Variants in FBXW2 observed in about 807,000 individuals in gnomAD.
FBXW2 encodes the protein F-box/WD repeat-containing protein 2.
FBXW2 carries 12 observed loss-of-function variants against 46.0 expected under a neutral mutation model. That is an observed-to-expected ratio of 0.26 (90% CI 0.17 to 0.42). FBXW2 has a LOEUF of 0.42. Ranked by LOEUF, FBXW2 falls within the 10% of genes least tolerant of loss-of-function variation. The pLI, the probability that FBXW2 is intolerant of heterozygous loss-of-function variation, is 1.00. For missense variants in FBXW2, 360 were observed against 537.0 expected (o/e 0.67, Z 3.26); for synonymous variants, 203 against 209.6 (o/e 0.97, Z 0.27).
rs1444829746 is a variant in FBXW2, at chr9:120,761,582, C to A, written c.*2977G>T. 1 of 152,132 alleles carries A rather than the reference C, an allele frequency of 6.6e-6. No individual in the cohort carries two copies. Among genetic ancestry groups the A allele is most frequent in the African/African-American group, 2.4e-5 (1 of 41,434 alleles). 9.4% of individuals were successfully genotyped at this position (152,132 alleles called of 1,614,324 possible). A position where few individuals can be genotyped will look rare whatever the true frequency, so the allele number is the denominator to read the frequency against. ...TCATTCTGACTCCCCACTTTGCTTT[C>A]TTTTGCAAAAAGGATGAGCTAGTTT... On this transcript the variant is annotated 3_prime_UTR_variant, in exon 8 of 8. Coordinates refer to ENST00000608872, the MANE Select transcript of FBXW2 (RefSeq NM_012164.4).
intron 7 of FBXW2, among the ~76,000 whole-genome samples, chr9:120,769,752 T>C (rs979839205): frequency 6.6e-6 from 1 of 152,226 alleles, no homozygotes; most frequent in Non-Finnish European, 1.5e-5. Context: ...CAGCCATGCA[T>C]GAATGGACGA....
intron 4 of FBXW2, among the ~76,000 whole-genome samples, chr9:120,777,838 G>A (rs184206772): frequency 2.0e-5 from 3 of 151,564 alleles, no homozygotes; most frequent in East Asian, 1.9e-4. Context: ...TGTTTCTTTC[G>A]CCTTATCTCT....
At chr9:120,785,325 T>C (rs556874262) in intron 3 of FBXW2, among the ~76,000 whole-genome samples, 3 of 152,278 alleles carry the variant, frequency 2.0e-5, no homozygotes, top group African/African-American at 7.2e-5. Flanking sequence ...CATCTTAATC[T>C]TTTAAAATCA....
Position 120,764,425 on chromosome 9 carries a change from G to T in FBXW2, c.*134C>A. 9.7e-7 allele frequency: 1 copy of T among 1,034,470 alleles called. No homozygotes were observed. Among genetic ancestry groups the T allele is most frequent in the Non-Finnish European group, 1.4e-6 (1 of 705,326 alleles). The allele number at this position is 1,034,470 out of a possible 1,614,324, so 64.1% of individuals were successfully genotyped here. ...GAGCCCTGGCCCCTGGCAAAACATA[G>T]ATAAATGATTGTGCACTGCGTGATG... On this transcript the variant is annotated 3_prime_UTR_variant, in exon 8 of 8. Transcript: ENST00000608872.
intron 3 of FBXW2, among the ~76,000 whole-genome samples, chr9:120,785,156 G>A (rs1282435138): frequency 1.3e-5 from 2 of 151,644 alleles, no homozygotes; most frequent in Admixed American, 6.6e-5. Flanking sequence ...CCACAGGTGT[G>A]AGCCAGCACA....
chr9:120,771,797 G>A (rs1215687647), intron 6 of FBXW2, among the ~76,000 whole-genome samples: 1 of 152,110 alleles, frequency 6.6e-6, no homozygotes, highest in African/African-American at 2.4e-5. Flanking sequence ...GGTGGCTCGC[G>A]CCTGTAATCC....
intron 3 of FBXW2, among the ~76,000 whole-genome samples, chr9:120,787,230 T>A (rs1213610143): frequency 6.6e-6 from 1 of 152,222 alleles, no homozygotes; most frequent in Non-Finnish European, 1.5e-5. Context: ...GATTTCACCA[T>A]GTTGACCAGT....
rs1231758955 is a variant in FBXW2, at chr9:120,764,499, T to G, written c.*60A>C. 1 of 1,556,908 alleles carries G rather than the reference T, an allele frequency of 6.4e-7. No homozygotes were observed. Among genetic ancestry groups the G allele is most frequent in the Admixed American group, 1.8e-5 (1 of 56,494 alleles). On this transcript the variant is annotated 3_prime_UTR_variant, in exon 8 of 8. Coordinates refer to ENST00000608872, the MANE Select transcript of FBXW2 (RefSeq NM_012164.4). ...TTCATGCAGTCGGCTGCCGCAGAGG[T>G]TGCACCCAAAACCCGCAGCCCCGGC...
rs1050476237 is a variant in FBXW2, at chr9:120,793,368, G to A, written c.-144C>T. The A allele has an allele frequency of 2.5e-6, 1 of 400,778 alleles. No homozygotes were observed. 24.8% of individuals were successfully genotyped at this position (400,778 alleles called of 1,614,324 possible). A position where few individuals can be genotyped will look rare whatever the true frequency, so the allele number is the denominator to read the frequency against. On this transcript the variant is annotated 5_prime_UTR_variant, in exon 1 of 8. Transcript: ENST00000608872. ...CGCATACAGACCCGGACCTGCGGCC[G>A]CTGCTCCCGGTCCGCAGCCTCACAG...
intron 2 of FBXW2, among the ~76,000 whole-genome samples, chr9:120,791,532 G>C (rs2044840936): frequency 6.6e-6 from 1 of 152,202 alleles, no homozygotes; most frequent in Non-Finnish European, 1.5e-5. Flanking sequence ...GCTTAGCACA[G>C]TGTACAGTCT....
Position 120,789,921 on chromosome 9 carries a change from T to C in FBXW2, c.-20-1643A>G, listed in dbSNP as rs117414253. 1.0e-3 allele frequency among the ~76,000 whole-genome samples: 159 copies of C among 152,304 alleles called. 3 individuals are homozygous for C. In the East Asian group the frequency reaches 0.027, roughly 26 times the overall value. ...AAGATAATACGTTTCAAGCCAAAGT[T>C]TGGGCTAGAGAAGATTTATTAATCT... On this transcript the variant is annotated intron_variant, in intron 2 of 7. Transcript: ENST00000608872.
chr9:120,765,079 GT>G (rs1369853973), intron 7 of FBXW2, among the ~76,000 whole-genome samples: 2 of 151,816 alleles, frequency 1.3e-5, no homozygotes, highest in Non-Finnish European at 2.9e-5. Flanking sequence ...GAAGGGAAAG[GT>G]GGTGTTTGAT....
At chr9:120,773,648 C>T (rs1450196888) in intron 5 of FBXW2, among the ~76,000 whole-genome samples, 1 of 152,212 alleles carries the variant, frequency 6.6e-6, no homozygotes, top group Non-Finnish European at 1.5e-5. Context: ...AGAGGGGAAG[C>T]AGGGTTCACT....
intron 3 of FBXW2, among the ~76,000 whole-genome samples, chr9:120,781,230 T>C (rs996522434): frequency 3.3e-5 from 5 of 152,188 alleles, no homozygotes; most frequent in Non-Finnish European, 5.9e-5. Flanking sequence ...AGTCCACAGT[T>C]TGCCAATCCC....
intron 3 of FBXW2, among the ~76,000 whole-genome samples, chr9:120,785,891 C>G (rs190673294): frequency 6.6e-6 from 1 of 151,596 alleles, no homozygotes; most frequent in Non-Finnish European, 1.5e-5. Context: ...GGTGTGGTGG[C>G]GCACACCTGT....
In FBXW2 at chr9:120,762,515, A is replaced by C. The variant is rs994480228; in HGVS notation, c.*2044T>G. The C allele has an allele frequency of 1.3e-5, 2 of 152,194 alleles. No homozygotes were observed. The highest frequency in any genetic ancestry group is 2.9e-5 in the Non-Finnish European group (2 of 68,028). The allele number at this position is 152,194 out of a possible 1,614,324, so 9.4% of individuals were successfully genotyped here. On this transcript the variant is annotated 3_prime_UTR_variant, in exon 8 of 8. Transcript: ENST00000608872. ...ATAGATTAAACCCAGATTTTGTGGG[A>C]TGGGGGAAGATATTGTTCTTTTGCT... is the stretch of plus-strand genomic sequence containing the variant.
At chr9:120,782,783 A>C (rs1455116005) in intron 3 of FBXW2, among the ~76,000 whole-genome samples, 1 of 152,158 alleles carries the variant, frequency 6.6e-6, no homozygotes, top group Non-Finnish European at 1.5e-5. Flanking sequence ...TAGAAGTTAC[A>C]GTGAGCCAAG....
At chr9:120,783,120 T>A (rs1384387136) in intron 3 of FBXW2, among the ~76,000 whole-genome samples, 1 of 152,052 alleles carries the variant, frequency 6.6e-6, no homozygotes, top group Non-Finnish European at 1.5e-5. Flanking sequence ...AAAAAGGTTA[T>A]CCAAACTAAT....
At chr9:120,769,890 C>T (rs1230050290) in intron 7 of FBXW2, among the ~76,000 whole-genome samples, 1 of 152,182 alleles carries the variant, frequency 6.6e-6, no homozygotes, top group African/African-American at 2.4e-5. Context: ...TCTTTTTTCT[C>T]AAAGCATAAA....
Sources: allele counts gnomAD v4.1 joint callset (sites outside exome capture counted in the v4.1 genomes callset), GRCh38; gene constraint gnomAD v4.1.1; transcripts MANE v1.5; gene names NCBI Gene and HGNC (gene_info 2026-07-23, HGNC 2026-07-21).